The following GREB1 variants were observed in gnomAD, a reference collection of about 807,000 sequenced individuals.
GREB1 encodes growth regulating estrogen receptor binding 1.
In GREB1, 106 loss-of-function variants were observed where a neutral mutation model predicts 200.7. The ratio of observed to expected loss-of-function variants is 0.53; its 90% CI spans 0.45 to 0.62. The LOEUF (loss-of-function observed/expected upper bound fraction) is 0.62, where lower values mean the gene tolerates loss of function less well. GREB1 is among the 20% of genes least tolerant of loss of function. The pLI, the probability that GREB1 is intolerant of heterozygous loss-of-function variation, is 0.00. For synonymous variants in GREB1, 1,132 were observed against 1,092.4 expected (o/e 1.04, Z -0.72); for missense variants, 2,243 against 2,556.8 (o/e 0.88, Z 2.65).
intron 1 of GREB1, among the ~76,000 whole-genome samples, chr2:11,552,902 C>T (rs367680251): frequency 3.2e-4 from 48 of 149,278 alleles, no homozygotes; most frequent in African/African-American, 1.1e-3. Flanking sequence ...CCCAGCTACA[C>T]GGGAGGCTGA....
intron 1 of GREB1, among the ~76,000 whole-genome samples, chr2:11,555,809 A>G (rs56700845): frequency 0.038 from 5,770 of 152,314 alleles, 232 homozygotes; most frequent in African/African-American, 0.092. Flanking sequence ...TATGATAGTT[A>G]CACGACACTG....
intron 1 of GREB1, among the ~76,000 whole-genome samples, chr2:11,519,815 G>C (rs1327239674): frequency 6.6e-6 from 1 of 152,132 alleles, no homozygotes. Context: ...GTGAGAACAT[G>C]AAGTGTACTT....
intron 1 of GREB1, among the ~76,000 whole-genome samples, chr2:11,507,212 C>T (rs1254582227): frequency 1.3e-5 from 2 of 152,098 alleles, no homozygotes; most frequent in African/African-American, 4.8e-5. Context: ...AGTTTCAGAC[C>T]AGCCTGGCCA....
intron 17 of GREB1, among the ~76,000 whole-genome samples, chr2:11,609,791 C>A (rs905991104): frequency 9.9e-5 from 15 of 152,226 alleles, no homozygotes; most frequent in African/African-American, 3.1e-4. Flanking sequence ...GGCGAGCTGG[C>A]TGCCCTGATA....
rs1229893483 is a variant in GREB1, at chr2:11,592,944, C to G, written c.1514C>G (p.Ala505Gly). ...PVTSAQLPWL[A>G]SLAASSCNDS... is the part of the protein sequence containing the mutation. ...ACCTCCGCGCAGCTGCCCTGGCTGGCCAGCCTGGCCGCCAGCTCCTGCAAC... is the reference window on the plus strand; with the variant it reads ...ACCTCCGCGCAGCTGCCCTGGCTGGGCAGCCTGGCCGCCAGCTCCTGCAAC... The change falls in exon 11 of 33, where the codon GCC becomes GGC. Residue 505 changes from alanine to glycine, a missense_variant. Ala to Gly is a moderately conservative substitution (Grantham distance 60). Coordinates refer to ENST00000381486, the MANE Select transcript of GREB1 (RefSeq NM_014668.4). 1 of 1,585,458 alleles carries G rather than the reference C, an allele frequency of 6.3e-7. No homozygotes were observed. The highest frequency in any genetic ancestry group is 8.6e-7 in the Non-Finnish European group (1 of 1,165,018).
At chr2:11,606,846 G>A (rs959431772) in intron 17 of GREB1, among the ~76,000 whole-genome samples, 7 of 151,422 alleles carry the variant, frequency 4.6e-5, no homozygotes, top group African/African-American at 1.7e-4. Flanking sequence ...GCAGAGGCAT[G>A]ATCTTGGCTC....
At position 11,597,675 on chromosome 2, in the gene GREB1, A is replaced by G; in HGVS notation, c.1955-106A>G. 1.1e-6 allele frequency: 1 copy of G among 947,724 alleles called. No homozygotes were observed. The highest frequency in any genetic ancestry group is 1.7e-6 in the Non-Finnish European group (1 of 587,400). The allele number at this position is 947,724 out of a possible 1,614,324, so 58.7% of individuals were successfully genotyped here. A position where few individuals can be genotyped will look rare whatever the true frequency, so the allele number is the denominator to read the frequency against. ...TTCCCCTTTCCCTCATCGCTTTGTG[A>G]ATGGGGCCGTCTCCCCTGGACAGGT... On this transcript the variant is annotated intron_variant, in intron 13 of 32. Coordinates refer to ENST00000381486, the MANE Select transcript of GREB1 (RefSeq NM_014668.4). The surrounding 1 kb of genome is among the most constrained non-coding windows in gnomAD (Gnocchi z 4.1).
At chr2:11,616,902 C>T (rs1054530614) in intron 21 of GREB1, among the ~76,000 whole-genome samples, 182 bp downstream of exon 21, 15 of 152,192 alleles carry the variant, frequency 9.9e-5, no homozygotes, top group Middle Eastern at 3.2e-3. Context: ...AACTTCGGAT[C>T]GGAGAACTTG....
In GREB1 at chr2:11,597,863, G is replaced by A. The variant is rs766338893; in HGVS notation, c.2037G>A (p.Ala679=). 2.5e-6 allele frequency: 4 copies of A among 1,614,084 alleles called. No individual in the cohort carries two copies. Among genetic ancestry groups the A allele is most frequent in the Non-Finnish European group, 3.4e-6 (4 of 1,179,964 alleles). Residue 679 remains alanine (A), a synonymous_variant, in exon 14 of 33, where the codon GCG becomes GCA. Transcript: ENST00000381486. This position sits in a 1 kb window ranked among gnomAD's most constrained non-coding sequence, Gnocchi z 4.1. Reference sequence around the variant, plus strand: ...TCCTCTCCCATGTGTGTTCCATTGCGGATTCCAGCACCCAAAATCTGGACC... The same window carrying A: ...TCCTCTCCCATGTGTGTTCCATTGCAGATTCCAGCACCCAAAATCTGGACC... ...QKLLSHVCSI[A]DSSTQNLDLG... is the part of the protein sequence containing the mutation.
intron 10 of GREB1, among the ~76,000 whole-genome samples, chr2:11,590,838 G>A (rs1277578325): frequency 6.6e-6 from 1 of 152,162 alleles, no homozygotes; most frequent in Non-Finnish European, 1.5e-5. Flanking sequence ...TTGATAAGAA[G>A]CAGTGAAAAA....
intron 23 of GREB1, among the ~76,000 whole-genome samples, chr2:11,622,461 G>C (rs1199266305): frequency 6.6e-6 from 1 of 152,196 alleles, no homozygotes; most frequent in Non-Finnish European, 1.5e-5. Flanking sequence ...ACTATAGTAG[G>C]ACATGTATTT....
chr2:11,553,569 C>T (rs1380072112), intron 1 of GREB1, among the ~76,000 whole-genome samples: 3 of 151,490 alleles, frequency 2.0e-5, no homozygotes, highest in African/African-American at 7.3e-5. Context: ...TTCCCCCATT[C>T]TATTTTTTTT....
At chr2:11,537,715 A>C (rs1017615780) in intron 1 of GREB1, among the ~76,000 whole-genome samples, 1 of 147,516 alleles carries the variant, frequency 6.8e-6, no homozygotes, top group East Asian at 1.9e-4. Context: ...TTAGATAAAT[A>C]TATGATATTT....
chr2:11,490,029 A>G (rs1037650836), intron 1 of GREB1, among the ~76,000 whole-genome samples: 98 of 150,022 alleles, frequency 6.5e-4, no homozygotes, highest in African/African-American at 2.2e-3. Context: ...ACAATTATAT[A>G]TGTTATATAT....
intron 1 of GREB1, among the ~76,000 whole-genome samples, chr2:11,510,797 C>A (rs980678324): frequency 2.0e-5 from 3 of 151,204 alleles, no homozygotes; most frequent in Non-Finnish European, 4.4e-5. Context: ...TCAAGCAGTC[C>A]GAGTAGCTGG....
intron 11 of GREB1, among the ~76,000 whole-genome samples, chr2:11,594,596 C>T (rs183663729): frequency 2.0e-5 from 3 of 152,016 alleles, no homozygotes. Flanking sequence ...CTCAGATGAT[C>T]CACCTACCTC....
intron 16 of GREB1, among the ~76,000 whole-genome samples, chr2:11,601,649 TG>T (rs1254494078): frequency 3.9e-5 from 6 of 152,270 alleles, no homozygotes; most frequent in South Asian, 2.1e-4. Context: ...GCTTCCGTCC[TG>T]TGGACTGAGA....
At chr2:11,560,602 G>A (rs1472493450) in intron 2 of GREB1, among the ~76,000 whole-genome samples, 1 of 152,048 alleles carries the variant, frequency 6.6e-6, no homozygotes, top group Non-Finnish European at 1.5e-5. Flanking sequence ...TTGGGAGGCT[G>A]AGGCAGGAGA....
chr2:11,514,214 ATATGGTGCTGGCT>A (rs1464715267), intron 1 of GREB1, among the ~76,000 whole-genome samples: 1 of 152,220 alleles, frequency 6.6e-6, no homozygotes, highest in Non-Finnish European at 1.5e-5. Flanking sequence ...TGTGTGCCAG[ATATGGTGCTGGCT>A]TATTTACATA....
Sources: gnomAD v4.1 joint callset for allele counts (sites outside exome capture counted in the v4.1 genomes callset) on GRCh38, gnomAD v4.1.1 for gene constraint, Gnocchi (gnomAD v3.1) non-coding constraint, MANE v1.5 for transcripts, NCBI Gene and HGNC (gene_info 2026-07-23, HGNC 2026-07-21) for gene names.